Variants in GRAMD2B observed in about 807,000 individuals in gnomAD.
GRAMD2B encodes the protein GRAM domain containing 2B, also known as GRAM domain-containing protein 2B.
In GRAMD2B, 41 loss-of-function variants were observed where a neutral mutation model predicts 59.2. The observed-to-expected ratio is 0.69, with a 90% CI of 0.54 to 0.90. The LOEUF (loss-of-function observed/expected upper bound fraction) is 0.90. Among genes scored for constraint, GRAMD2B ranks in the 40% least tolerant of loss-of-function variants. The pLI is 0.00. For missense variants in GRAMD2B, 424 were observed against 500.5 expected, an observed-to-expected ratio of 0.85 and a Z score of 1.46; for synonymous variants, 161 against 182.7, an observed-to-expected ratio of 0.88 and a Z score of 0.96.
chr5:126,488,028 A>G (rs1280799151), intron 12 of GRAMD2B, among the ~76,000 whole-genome samples: 4 of 152,202 alleles, frequency 2.6e-5, no homozygotes, highest in Non-Finnish European at 4.4e-5. Context: ...TCTGAGCTCT[A>G]TACTTTGAGA....
At chr5:126,410,770 C>A (rs951140688) in intron 1 of GRAMD2B, among the ~76,000 whole-genome samples, 2 of 152,012 alleles carry the variant, frequency 1.3e-5, no homozygotes, top group East Asian at 1.9e-4. Context: ...GCCTCACCAG[C>A]ATCTGTTGTT....
chr5:126,391,319 CAAAA>C (rs61181985), intron 1 of GRAMD2B, among the ~76,000 whole-genome samples: 67 of 76,328 alleles, frequency 8.8e-4, no homozygotes, highest in East Asian at 2.4e-3. Flanking sequence ...GACTCCATCT[CAAAA>C]AAAAAAAAAA....
In GRAMD2B at chr5:126,423,414, C is replaced by T. The variant is rs887049280; in HGVS notation, c.-193C>T. The T allele has an allele frequency of 9.5e-6, 13 of 1,374,804 alleles. No homozygotes were observed. Among genetic ancestry groups the T allele is most frequent in the Non-Finnish European group, 1.2e-5 (13 of 1,069,262 alleles). The allele number at this position is 1,374,804 out of a possible 1,614,324, so 85.2% of individuals were successfully genotyped here. On this transcript the variant is annotated 5_prime_UTR_variant, in exon 1 of 14. Transcript: ENST00000285689. ...TTTCCACAGTGGGTCGGACCAATCGCGCCCGCTCCGACGTGTCCAGGTCCG... is the reference window on the plus strand; with the variant it reads ...TTTCCACAGTGGGTCGGACCAATCGTGCCCGCTCCGACGTGTCCAGGTCCG...
At chr5:126,435,288 G>A (rs1762224436) in intron 1 of GRAMD2B, among the ~76,000 whole-genome samples, 1 of 152,214 alleles carries the variant, frequency 6.6e-6, no homozygotes, top group Non-Finnish European at 1.5e-5. Flanking sequence ...TGTGGGGTGA[G>A]ATTAGAGGCG....
chr5:126,394,247 C>T (rs1431315636), intron 1 of GRAMD2B, among the ~76,000 whole-genome samples: 112 of 151,248 alleles, frequency 7.4e-4, no homozygotes, highest in African/African-American at 2.6e-3. Flanking sequence ...TGCAGTCCAG[C>T]CCGGACGACA....
intron 1 of GRAMD2B, among the ~76,000 whole-genome samples, chr5:126,400,779 C>T (rs955521557): frequency 1.3e-5 from 2 of 152,092 alleles, no homozygotes; most frequent in Non-Finnish European, 2.9e-5. Flanking sequence ...ATCCTACTCT[C>T]TCCTGGCATG....
intron 1 of GRAMD2B, among the ~76,000 whole-genome samples, chr5:126,439,682 T>A (rs1301502224): frequency 6.6e-6 from 1 of 152,130 alleles, no homozygotes. Context: ...ATAGTAGTAC[T>A]TAGTAAGTTG....
intron 1 of GRAMD2B, among the ~76,000 whole-genome samples, chr5:126,398,914 T>C (rs1757590451): frequency 6.6e-6 from 1 of 152,336 alleles, no homozygotes; most frequent in East Asian, 1.9e-4. Flanking sequence ...TTTACAGTTT[T>C]CTTGCTGTTA....
chr5:126,447,596 G>T (rs999084246), intron 1 of GRAMD2B, among the ~76,000 whole-genome samples: 1 of 151,522 alleles, frequency 6.6e-6, no homozygotes, highest in African/African-American at 2.4e-5. Context: ...CCCGGGAGGC[G>T]GAGCTTGCAG....
chr5:126,377,122 C>G (rs1306835562), intron 1 of GRAMD2B, among the ~76,000 whole-genome samples: 2 of 147,340 alleles, frequency 1.4e-5, no homozygotes, highest in African/African-American at 2.5e-5. Context: ...TGCACATGCT[C>G]TATCTAGTTG....
intron 1 of GRAMD2B, among the ~76,000 whole-genome samples, chr5:126,384,098 GA>G (rs560859348): frequency 6.6e-6 from 1 of 152,062 alleles, no homozygotes; most frequent in Non-Finnish European, 1.5e-5. Context: ...TTAGCACATA[GA>G]AAAAACTCTA....
chr5:126,392,598 C>A (rs534062094), intron 1 of GRAMD2B, among the ~76,000 whole-genome samples: 1 of 152,188 alleles, frequency 6.6e-6, no homozygotes, highest in South Asian at 2.1e-4. Flanking sequence ...ATAGTTTAGA[C>A]AAGTGGTCCG....
In GRAMD2B at chr5:126,441,115, G is replaced by A. The variant is rs190567080; in HGVS notation, c.83+17426G>A. Among the ~76,000 whole-genome samples the A allele has an allele frequency of 3.0e-3, 449 of 151,882 alleles. 6 individuals carry two copies. The highest frequency in any genetic ancestry group is 1.0e-2 in the African/African-American group (413 of 41,420). ...TGGTAATGTTTGAATTTTCTAGAATGAGCGTGTATTATGGCAGAGGAAAAA... is the reference window on the plus strand; with the variant it reads ...TGGTAATGTTTGAATTTTCTAGAATAAGCGTGTATTATGGCAGAGGAAAAA... On this transcript the variant is annotated intron_variant, in intron 1 of 13. Transcript: ENST00000285689.
intron 1 of GRAMD2B, among the ~76,000 whole-genome samples, chr5:126,373,099 A>G (rs1464281530): frequency 6.6e-6 from 1 of 152,210 alleles, no homozygotes; most frequent in Non-Finnish European, 1.5e-5. Context: ...TTGAGTATTC[A>G]ATATCAAATT....
chr5:126,485,554 G>T, intron 10 of GRAMD2B, 132 bp from the exon 11 acceptor site: 1 of 597,248 alleles, frequency 1.7e-6, no homozygotes, highest in South Asian at 2.1e-5. Context: ...TGACAACTGG[G>T]AGACTTGATA....
intron 1 of GRAMD2B, among the ~76,000 whole-genome samples, chr5:126,441,147 A>C (rs1581007285): frequency 1.3e-5 from 2 of 152,158 alleles, no homozygotes; most frequent in Admixed American, 1.3e-4. Flanking sequence ...AAAAATATAA[A>C]GAACATAATT....
intron 1 of GRAMD2B, among the ~76,000 whole-genome samples, chr5:126,415,823 A>C (rs1276881683): frequency 2.6e-5 from 4 of 152,184 alleles, no homozygotes; most frequent in African/African-American, 9.7e-5. Context: ...GTCAAAAAAG[A>C]AAAAGAAAAT....
At chr5:126,395,687 C>T (rs745963537) in intron 1 of GRAMD2B, among the ~76,000 whole-genome samples, 3 of 152,104 alleles carry the variant, frequency 2.0e-5, no homozygotes, top group African/African-American at 2.4e-5. Context: ...AAAGAACAAA[C>T]GTCGGGGACT....
At chr5:126,483,653 G>C in intron 9 of GRAMD2B, 79 bp downstream of exon 9, 4 of 660,502 alleles carry the variant, frequency 6.1e-6, no homozygotes, top group Non-Finnish European at 4.9e-6. Flanking sequence ...AAAAAAAAAA[G>C]AAAAGAAAAG....
Sources: allele counts gnomAD v4.1 joint callset (sites outside exome capture counted in the v4.1 genomes callset), GRCh38; gene constraint gnomAD v4.1.1; transcripts MANE v1.5; gene names NCBI Gene and HGNC (gene_info 2026-07-23, HGNC 2026-07-21).